Variants in HLA-F observed in about 807,000 individuals in gnomAD.
HLA-F encodes HLA class I histocompatibility antigen, alpha chain F.
HLA-F carries 46 observed loss-of-function variants against 49.5 expected under a neutral mutation model. That is an observed-to-expected ratio of 0.93 (90% CI 0.73 to 1.19). The LOEUF is 1.19. Ranked by LOEUF, HLA-F falls within the 50% of genes most tolerant of loss-of-function variation. HLA-F has a pLI of 0.00. For missense variants in HLA-F, 496 were observed against 579.6 expected (o/e 0.86, Z 1.48); for synonymous variants, 203 against 233.5 (o/e 0.87, Z 1.19).
rs754798680 is a variant in HLA-F at position 29,724,380 on chromosome 6, T to A, written c.542T>A (p.Leu181Gln). ...TATGCAGAGGAGTTCAGGACCTACC[T>A]GGAGGGCGAGTGCCTGGAGTTGCTC... ...EEYAEEFRTY[L>Q]EGECLELLRR... Residue 181 changes from leucine (L) to glutamine (Q), a missense_variant, in exon 3 of 7, where the codon CTG becomes CAG. Transcript: ENST00000259951. 1 of 1,613,194 alleles carries A rather than the reference T, an allele frequency of 6.2e-7. No individual in the cohort carries two copies.
Position 29,725,202 on chromosome 6 carries a change from C to A in HLA-F, c.782C>A (p.Thr261Asn), listed in dbSNP as rs748780271. ...LVETRPAGDGTFQKWAAVVVP... is the reference protein window; with the variant it reads ...LVETRPAGDGNFQKWAAVVVP... ...GAGACCAGGCCTGCAGGGGATGGAA[C>A]CTTCCAGAAGTGGGCCGCTGTGGTG... is the stretch of plus-strand genomic sequence containing the variant. Residue 261 changes from threonine to asparagine, a missense_variant, in exon 4 of 7, where the codon ACC (threonine) becomes AAC (asparagine). Physicochemically the swap from Thr to Asn is moderately conservative, Grantham distance 65 (BLOSUM62 0). Coordinates refer to ENST00000259951, the MANE Select transcript of HLA-F (RefSeq NM_001098479.2). 1.2e-5 allele frequency: 19 copies of A among 1,613,896 alleles called. No homozygotes were observed. Among genetic ancestry groups the A allele is most frequent in the Non-Finnish European group, 1.5e-5 (18 of 1,179,952 alleles).
At chr6:29,728,008 C>T (rs751377354), downstream of HLA-F, 1 of 518,926 alleles carries the variant, frequency 1.9e-6, no homozygotes, top group African/African-American at 1.9e-5. Context: ...CATCCAGGAG[C>T]AATTTTCCCA....
At chr6:29,729,292 GCCT>G (rs1443153067), downstream of HLA-F, 27 of 152,102 alleles carry the variant, frequency 1.8e-4, no homozygotes, top group African/African-American at 5.1e-4. Context: ...GTCACCAAAA[GCCT>G]CCTCCAATCA....
At chr6:29,732,060 G>A (rs1776672234), downstream of HLA-F, among the ~76,000 whole-genome samples, 1 of 152,138 alleles carries the variant, frequency 6.6e-6, no homozygotes, top group African/African-American at 2.4e-5. Flanking sequence ...AACCTTCCAG[G>A]CTCGAACAAT....
downstream of HLA-F, chr6:29,727,424 C>T (rs983504528): frequency 2.1e-5 from 9 of 423,434 alleles, no homozygotes; most frequent in South Asian, 2.1e-4. Flanking sequence ...TACCTACAAT[C>T]TATAACAATC....
downstream of HLA-F, among the ~76,000 whole-genome samples, chr6:29,731,304 A>G (rs1266519331): frequency 1.3e-5 from 2 of 151,374 alleles, no homozygotes; most frequent in African/African-American, 4.9e-5. Flanking sequence ...TATTAGTGGA[A>G]ATGGCTCACA....
Position 29,727,181 on chromosome 6 carries a change from T to G in HLA-F, c.*6T>G. ...AGATTAAGATTTTTGACTGAGTCAT[T>G]CTAAAGTAAGTTGCAAGACCCATGA... is the stretch of plus-strand genomic sequence containing the variant. On this transcript the variant is annotated 3_prime_UTR_variant, in exon 7 of 7. Transcript: ENST00000259951. The G allele has an allele frequency of 6.4e-7, 1 of 1,565,660 alleles. No individual in the cohort carries two copies. The highest frequency in any genetic ancestry group is 8.6e-7 in the Non-Finnish European group (1 of 1,160,786).
intron 6 of HLA-F, 72 bp downstream of exon 6, chr6:29,726,115 AC>A: frequency 7.1e-7 from 1 of 1,414,660 alleles, no homozygotes; most frequent in Non-Finnish European, 1.0e-6. Flanking sequence ...GAGCTCACCC[AC>A]CCCACAGTTC....
chr6:29,724,600 C>A (rs1244148805), intron 3 of HLA-F, 152 bp downstream of exon 3: 10 of 796,810 alleles, frequency 1.3e-5, no homozygotes, highest in Admixed American at 2.7e-5. Context: ...AGATCCGGTA[C>A]CAGAGAGTGA....
At chr6:29,731,249 A>T (rs1776576004), downstream of HLA-F, among the ~76,000 whole-genome samples, 1 of 151,804 alleles carries the variant, frequency 6.6e-6, no homozygotes, top group Non-Finnish European at 1.5e-5. Context: ...AGATAGATAG[A>T]TAGATAGATA....
At chr6:29,725,909 C>A in intron 5 of HLA-F, 102 bp from the exon 6 acceptor site, 7 of 1,317,920 alleles carry the variant, frequency 5.3e-6, no homozygotes, top group Non-Finnish European at 7.6e-6. Context: ...TACAGTTACA[C>A]TTTTCTGGAA....
downstream of HLA-F, among the ~76,000 whole-genome samples, chr6:29,730,852 C>T (rs562151652): frequency 1.4e-4 from 21 of 152,146 alleles, no homozygotes; most frequent in Non-Finnish European, 2.6e-4. Flanking sequence ...ACCCCTGTGG[C>T]CTCATCCCGC....
rs756368812 is a variant in HLA-F, at chr6:29,724,448, G to A, written c.610G>A (p.Asp204Asn). The A allele has an allele frequency of 5.0e-6, 8 of 1,612,438 alleles. No homozygotes were observed. Among genetic ancestry groups the A allele is most frequent in the Non-Finnish European group, 5.9e-6 (7 of 1,179,482 alleles). Residue 204 changes from aspartate to asparagine, a missense_variant and splice_region_variant, in exon 3 of 7, where the codon GAT (aspartate) becomes AAT (asparagine). By Grantham distance (23) the Asp-to-Asn change is conservative (BLOSUM62 1). Coordinates refer to ENST00000259951, the MANE Select transcript of HLA-F (RefSeq NM_001098479.2). ...ENGKETLQRA[D>N]PPKAHVAHHP... The stretch of plus-strand genomic sequence containing the variant: ...TGGGAAGGAGACGCTACAGCGCGCA[G>A]GTACCAGGGGCCATGGGCGCCTTCC...
chr6:29,728,110 G>A (rs761570681), downstream of HLA-F: 2 of 518,452 alleles, frequency 3.9e-6, no homozygotes, highest in Non-Finnish European at 7.7e-6. Context: ...GGAATGACCA[G>A]GGATGCTGAA....
chr6:29,737,845 G>A (rs1777250320), intron 3 of HLA-F: 1 of 152,244 alleles, frequency 6.6e-6, no homozygotes, highest in Non-Finnish European at 1.5e-5. Flanking sequence ...CACATTGCCA[G>A]AGGCAATGTC....
downstream of HLA-F, among the ~76,000 whole-genome samples, chr6:29,731,476 A>G (rs3909134): frequency 0.015 from 2,255 of 152,284 alleles, 25 homozygotes; most frequent in Admixed American, 0.032. Context: ...TCCAAAGACC[A>G]TACAACCTGG....
At chr6:29,724,540 G>C in intron 3 of HLA-F, 92 bp downstream of exon 3, 1 of 1,303,674 alleles carries the variant, frequency 7.7e-7, no homozygotes, top group Non-Finnish European at 1.1e-6. Flanking sequence ...CCAATGCTAG[G>C]ATATCGCCCT....
downstream of HLA-F, among the ~76,000 whole-genome samples, chr6:29,730,998 C>A (rs1482264952): frequency 6.6e-6 from 1 of 152,116 alleles, no homozygotes; most frequent in Non-Finnish European, 1.5e-5. Flanking sequence ...ACTCCTCACA[C>A]CATTCAAGTC....
At chr6:29,729,957 G>T (rs972922967), downstream of HLA-F, among the ~76,000 whole-genome samples, 3 of 152,230 alleles carry the variant, frequency 2.0e-5, no homozygotes, top group African/African-American at 7.2e-5. Flanking sequence ...CTTGTACACT[G>T]CTGGTGAGAG....
Sources: gnomAD v4.1 joint callset for allele counts (sites outside exome capture counted in the v4.1 genomes callset) on GRCh38, gnomAD v4.1.1 for gene constraint, MANE v1.5 for transcripts, NCBI Gene and HGNC (gene_info 2026-07-23, HGNC 2026-07-21) for gene names.